The following POLR3H variants were observed in gnomAD, a reference collection of about 807,000 sequenced individuals.
POLR3H encodes RNA polymerase III subunit H.
In POLR3H, 17 loss-of-function variants were observed where a neutral mutation model predicts 25.5. The ratio of observed to expected loss-of-function variants is 0.67; its 90% CI spans 0.46 to 1.00. POLR3H has a LOEUF of 1.00. Among genes scored for constraint, POLR3H ranks in the 50% least tolerant of loss-of-function variants. The pLI is 0.00. For synonymous variants in POLR3H, 129 were observed against 103.0 expected (o/e 1.25, Z -1.53); for missense variants, 274 against 265.0 (o/e 1.03, Z -0.24).
Position 41,544,295 on chromosome 22 carries a change from C to T in POLR3H, c.-194G>A. On this transcript the variant is annotated 5_prime_UTR_variant, in exon 1 of 6. Coordinates refer to ENST00000355209, the MANE Select transcript of POLR3H (RefSeq NM_001018050.4). ...TACTACAACATGAGGAAACTGAGGC[C>T]AGAGGGAGGCACTCTCCGTCCACAG... is the stretch of plus-strand genomic sequence containing the variant. The T allele has an allele frequency of 1.9e-6, 1 of 533,852 alleles. No individual in the cohort carries two copies. Among genetic ancestry groups the T allele is most frequent in the Admixed American group, 3.5e-5 (1 of 28,556 alleles). The allele number at this position is 533,852 out of a possible 1,614,324, so 33.1% of individuals were successfully genotyped here.
chr22:41,528,990 G>GTGAT lies in POLR3H; in HGVS notation c.*289_*292dup, dbSNP rs1313162962. ...TCCAAAACCAGTGACTGTTCTGTGA[G>GTGAT]TGATTGGTGTCTGTGCCGTTTGTTG... is the stretch of plus-strand genomic sequence containing the variant. On this transcript the variant is annotated 3_prime_UTR_variant, in exon 6 of 6. Transcript: ENST00000355209. 3 of 535,916 alleles carry GTGAT rather than the reference G, an allele frequency of 5.6e-6. No individual in the cohort carries two copies. Among genetic ancestry groups the GTGAT allele is most frequent in the African/African-American group, 3.8e-5 (2 of 52,122 alleles). 33.2% of individuals were successfully genotyped at this position (535,916 alleles called of 1,614,324 possible).
intron 1 of POLR3H, 47 bp downstream of exon 1, chr22:41,543,944 C>T (rs2066974583): frequency 2.8e-6 from 4 of 1,427,406 alleles, no homozygotes; most frequent in African/African-American, 1.4e-5. Context: ...GTGGGCGGCG[C>T]TCGCTCTCCC....
At position 41,527,132 on chromosome 22, in the gene POLR3H, C is replaced by A; in HGVS notation, c.*2151G>T. ...GTCTCATTCACGCAGGCTTCACTTG[C>A]CCTTAGGCAGCAGGCGAGGAAGGGC... On this transcript the variant is annotated 3_prime_UTR_variant, in exon 6 of 6. Transcript: ENST00000355209. 3.6e-6 allele frequency: 4 copies of A among 1,108,866 alleles called. No homozygotes were observed. The highest frequency in any genetic ancestry group is 5.2e-6 in the Non-Finnish European group (4 of 775,472). 68.7% of individuals were successfully genotyped at this position (1,108,866 alleles called of 1,614,324 possible).
In POLR3H at chr22:41,527,949, C is replaced by G. The variant is rs375761361; in HGVS notation, c.*1334G>C. 6.2e-7 allele frequency: 1 copy of G among 1,614,190 alleles called. No individual in the cohort carries two copies. Among genetic ancestry groups the G allele is most frequent in the Admixed American group, 1.7e-5 (1 of 60,016 alleles). ...CTGCTGCCTCTGACCTTCGCTGACC[C>G]GGCTGACTACAACAAGATTCACCCT... On this transcript the variant is annotated 3_prime_UTR_variant, in exon 6 of 6. Transcript: ENST00000355209.
At chr22:41,530,618 C>T in intron 5 of POLR3H, 69 bp downstream of exon 5, 2 of 1,432,580 alleles carry the variant, frequency 1.4e-6, no homozygotes, top group South Asian at 1.3e-5. Context: ...AGCCCCAGGA[C>T]ACAGCTTCCA....
chr22:41,538,100 G>A (rs2066877093), intron 2 of POLR3H, among the ~76,000 whole-genome samples: 1 of 151,616 alleles, frequency 6.6e-6, no homozygotes, highest in Non-Finnish European at 1.5e-5. Context: ...GGAGTAGCTG[G>A]GATTACAGAC....
chr22:41,528,404 T>G lies in POLR3H; in HGVS notation c.*879A>C. On this transcript the variant is annotated 3_prime_UTR_variant, in exon 6 of 6. Coordinates refer to ENST00000355209, the MANE Select transcript of POLR3H (RefSeq NM_001018050.4). ...TCTTAGGTCCCCAGGCAGTGCCCTGTCTCCCTGACCCCCCTGCGGGGCCAA... is the reference window on the plus strand; with the variant it reads ...TCTTAGGTCCCCAGGCAGTGCCCTGGCTCCCTGACCCCCCTGCGGGGCCAA... 1 of 1,564,832 alleles carries G rather than the reference T, an allele frequency of 6.4e-7. No individual in the cohort carries two copies. The highest frequency in any genetic ancestry group is 8.7e-7 in the Non-Finnish European group (1 of 1,155,870).
At chr22:41,540,201 CT>C in intron 2 of POLR3H, 1 of 264,272 alleles carries the variant, frequency 3.8e-6, no homozygotes. Flanking sequence ...GCTGATCCCC[CT>C]TCCGTCTGCT....
chr22:41,528,115 G>A lies in POLR3H; in HGVS notation c.*1168C>T. 6.4e-7 allele frequency: 1 copy of A among 1,560,686 alleles called. No individual in the cohort carries two copies. Among genetic ancestry groups the A allele is most frequent in the Non-Finnish European group, 8.7e-7 (1 of 1,151,328 alleles). On this transcript the variant is annotated 3_prime_UTR_variant, in exon 6 of 6. Transcript: ENST00000355209. ...GGCCCCAGGGTAGCTTCTCCCAGGA[G>A]GCTTCATTCCAGCTGGAAAGGCCCC...
At chr22:41,533,331 C>T (rs944993393) in intron 2 of POLR3H, among the ~76,000 whole-genome samples, 1 of 152,180 alleles carries the variant, frequency 6.6e-6, no homozygotes, top group Non-Finnish European at 1.5e-5. Context: ...CTGTATGTCA[C>T]CTTGTCACTC....
At position 41,540,759 on chromosome 22, in the gene POLR3H, C is replaced by CA. The variant is rs1170927316; in HGVS notation, c.147dup (p.Asp50Ter). ...TAGGCATCCTCCAGTTTGGTGATAT[C>CA]AAACAGACAAATGCAGAGTCCCACG... is the stretch of plus-strand genomic sequence containing the variant. On this transcript the variant is annotated frameshift_variant, in exon 2 of 6. Coordinates refer to ENST00000355209, the MANE Select transcript of POLR3H (RefSeq NM_001018050.4). LOFTEE classifies it high-confidence loss of function. 18 of 1,614,060 alleles carry CA rather than the reference C, an allele frequency of 1.1e-5. No individual in the cohort carries two copies. The highest frequency in any genetic ancestry group is 1.4e-5 in the Non-Finnish European group (17 of 1,180,032).
At chr22:41,535,803 A>G (rs926768238) in intron 2 of POLR3H, among the ~76,000 whole-genome samples, 3 of 152,044 alleles carry the variant, frequency 2.0e-5, no homozygotes, top group African/African-American at 7.2e-5. Flanking sequence ...GAGAAACCCC[A>G]TCTCTACTAA....
chr22:41,538,844 C>T (rs2066888266), intron 2 of POLR3H, among the ~76,000 whole-genome samples: 2 of 152,238 alleles, frequency 1.3e-5, no homozygotes, highest in African/African-American at 2.4e-5. Context: ...GACACAGACA[C>T]TAGGCAGTCT....
At chr22:41,531,520 CCT>C (rs1214219724) in intron 4 of POLR3H, among the ~76,000 whole-genome samples, 8 of 152,252 alleles carry the variant, frequency 5.3e-5, no homozygotes, top group Non-Finnish European at 1.0e-4. Context: ...TTGGGTCCTG[CCT>C]CTGTGCCAGG....
At chr22:41,532,806 C>A in intron 2 of POLR3H, 61 bp from the exon 3 acceptor site, 2 of 1,569,314 alleles carry the variant, frequency 1.3e-6, no homozygotes, top group Non-Finnish European at 8.7e-7. Flanking sequence ...TCCCATGTCA[C>A]CCTCAGGTGC....
At chr22:41,532,843 G>C in intron 2 of POLR3H, 98 bp from the exon 3 acceptor site, 1 of 1,290,662 alleles carries the variant, frequency 7.7e-7, no homozygotes, top group Non-Finnish European at 1.1e-6. Flanking sequence ...CTGTGTGGCT[G>C]CTCCATGCCA....
In POLR3H at chr22:41,529,112, G is replaced by A. The variant is rs2066667710; in HGVS notation, c.*171C>T. The stretch of plus-strand genomic sequence containing the variant: ...GATCCATCACTGCAGTGAAGGAGGA[G>A]CAGGGCCTAGATGGTGGAGGAGCGG... On this transcript the variant is annotated 3_prime_UTR_variant, in exon 6 of 6. Transcript: ENST00000355209. 1 of 609,632 alleles carries A rather than the reference G, an allele frequency of 1.6e-6. No homozygotes were observed. Among genetic ancestry groups the A allele is most frequent in the African/African-American group, 1.8e-5 (1 of 54,172 alleles). 37.8% of individuals were successfully genotyped at this position (609,632 alleles called of 1,614,324 possible).
Position 41,528,841 on chromosome 22 carries a change from C to T in POLR3H, c.*442G>A, listed in dbSNP as rs1160237076. On this transcript the variant is annotated 3_prime_UTR_variant, in exon 6 of 6. Coordinates refer to ENST00000355209, the MANE Select transcript of POLR3H (RefSeq NM_001018050.4). ...TGAGTTTGGTTCAGATCTTAAGCAGCTCCATGCAACTGTATTTATTTTTGA... is the reference window on the plus strand; with the variant it reads ...TGAGTTTGGTTCAGATCTTAAGCAGTTCCATGCAACTGTATTTATTTTTGA... 2.6e-5 allele frequency: 15 copies of T among 575,326 alleles called. No homozygotes were observed. The highest frequency in any genetic ancestry group is 2.4e-4 in the Admixed American group (7 of 29,354). 35.6% of individuals were successfully genotyped at this position (575,326 alleles called of 1,614,324 possible). A position where few individuals can be genotyped will look rare whatever the true frequency, so the allele number is the denominator to read the frequency against.
chr22:41,543,322 C>T (rs1288964799), intron 1 of POLR3H, among the ~76,000 whole-genome samples: 5 of 152,066 alleles, frequency 3.3e-5, no homozygotes, highest in Admixed American at 3.3e-4. Context: ...CTAGAACTCT[C>T]CATCTTCACG....
Sources: allele counts gnomAD v4.1 joint callset (sites outside exome capture counted in the v4.1 genomes callset), GRCh38; gene constraint gnomAD v4.1.1; transcripts MANE v1.5; gene names NCBI Gene and HGNC (gene_info 2026-07-23, HGNC 2026-07-21).